The following SDC3 variants were observed in gnomAD, a reference collection of about 807,000 sequenced individuals.
SDC3 encodes syndecan 3, also known as syndecan-3.
SDC3 carries 13 observed loss-of-function variants against 24.4 expected under a neutral mutation model. That is an observed-to-expected ratio of 0.53 (90% CI 0.35 to 0.85). The LOEUF (loss-of-function observed/expected upper bound fraction) is 0.85, where lower values mean the gene tolerates loss of function less well. Ranked by LOEUF, SDC3 falls within the 40% of genes least tolerant of loss-of-function variation. The pLI is 0.01. For missense variants in SDC3, 571 were observed against 584.5 expected, an observed-to-expected ratio of 0.98 and a Z score of 0.24; for synonymous variants, 295 against 260.9, an observed-to-expected ratio of 1.13 and a Z score of -1.26.
rs1212115609 is a variant in SDC3, at chr1:30,869,982, C to T, written c.*3229G>A. 1 of 398,136 alleles carries T rather than the reference C, an allele frequency of 2.5e-6. No individual in the cohort carries two copies. Among genetic ancestry groups the T allele is most frequent in the Non-Finnish European group, 4.4e-6 (1 of 226,088 alleles). 24.7% of individuals were successfully genotyped at this position (398,136 alleles called of 1,614,324 possible). On this transcript the variant is annotated 3_prime_UTR_variant, in exon 5 of 5. Transcript: ENST00000339394. ...CAACTCCCAGGGCCCAGTCTCGATG[C>T]CTCTGTAAATCTGTACAGTTTGCGG...
At chr1:30,908,266 A>G (rs1570037841) in intron 1 of SDC3, among the ~76,000 whole-genome samples, 183 bp downstream of exon 1, 7 of 91,268 alleles carry the variant, frequency 7.7e-5, no homozygotes, top group Admixed American at 1.1e-4. Flanking sequence ...GAGGGGGGGG[A>G]GCAGGGTGCA....
intron 1 of SDC3, 33 bp downstream of exon 1, chr1:30,908,416 G>A (rs1301356561): frequency 9.9e-7 from 1 of 1,014,656 alleles, no homozygotes; most frequent in Admixed American, 5.9e-5. Context: ...GCCCCGGGGA[G>A]CCGTGGCGGG....
intron 1 of SDC3, among the ~76,000 whole-genome samples, chr1:30,900,760 T>G (rs1222066505): frequency 6.6e-6 from 1 of 151,948 alleles, no homozygotes; most frequent in South Asian, 2.1e-4. Context: ...ATCCCGCTGG[T>G]GATTGATTCT....
intron 1 of SDC3, among the ~76,000 whole-genome samples, chr1:30,884,100 C>A (rs1000566863): frequency 6.6e-6 from 1 of 152,150 alleles, no homozygotes; most frequent in African/African-American, 2.4e-5. Context: ...CCCCACCCAG[C>A]CACAGCTGCC....
Position 30,874,393 on chromosome 1 carries a change from G to A in SDC3, c.1066C>T (p.Pro356Ser), listed in dbSNP as rs1639594687. 6.2e-7 allele frequency: 1 copy of A among 1,614,060 alleles called. No homozygotes were observed. The highest frequency in any genetic ancestry group is 8.5e-7 in the Non-Finnish European group (1 of 1,179,980). The change falls in exon 4 of 5, where the codon CCG (proline) becomes TCG (serine). Residue 356 changes from proline (P) to serine (S), a missense_variant. Around this residue, in one of 2 missense-constraint regions of SDC3, gnomAD observed 497 missense variants for 471.6 expected, o/e 1.05. Coordinates refer to ENST00000339394, the MANE Select transcript of SDC3 (RefSeq NM_014654.4). ...PPGTLPKGAR[P>S]GPGLLDNAID... Reference sequence around the variant, plus strand: ...GCATTGTCCAGGAGGCCAGGGCCCGGGCGGGCACCCTTGGGCAGTGTCCCA... The same window carrying A: ...GCATTGTCCAGGAGGCCAGGGCCCGAGCGGGCACCCTTGGGCAGTGTCCCA...
chr1:30,894,812 T>C (rs1639977453), intron 1 of SDC3, among the ~76,000 whole-genome samples: 1 of 151,960 alleles, frequency 6.6e-6, no homozygotes, highest in Admixed American at 6.6e-5. Flanking sequence ...CGTGTGTGTC[T>C]GTCTAGGTGC....
chr1:30,880,255 A>G (rs565259346), intron 1 of SDC3, among the ~76,000 whole-genome samples: 69 of 151,848 alleles, frequency 4.5e-4, no homozygotes, highest in African/African-American at 1.5e-3. Flanking sequence ...GGGGTGGTAC[A>G]GGAGAGGGAG....
chr1:30,900,106 C>CCCAGGCT (rs1467486156), intron 1 of SDC3, among the ~76,000 whole-genome samples: 1 of 152,228 alleles, frequency 6.6e-6, no homozygotes, highest in African/African-American at 2.4e-5. Context: ...TCCATAAGCA[C>CCCAGGCT]CCAGGCTCCA....
At chr1:30,900,670 A>G (rs2124342357) in intron 1 of SDC3, among the ~76,000 whole-genome samples, 1 of 151,986 alleles carries the variant, frequency 6.6e-6, no homozygotes, top group East Asian at 1.9e-4. Context: ...AGGGAGGGGG[A>G]CAGGTCTAAT....
intron 1 of SDC3, among the ~76,000 whole-genome samples, chr1:30,907,237 G>A (rs757558432): frequency 3.3e-5 from 5 of 152,264 alleles, no homozygotes; most frequent in East Asian, 1.9e-4. Context: ...TCCCCAGCCC[G>A]CCTGAGCCAG....
intron 1 of SDC3, among the ~76,000 whole-genome samples, chr1:30,895,139 C>T (rs878880918): frequency 1.3e-5 from 2 of 152,066 alleles, no homozygotes; most frequent in Admixed American, 1.3e-4. Context: ...GACTCCTGAT[C>T]CCCCTGGCAT....
At chr1:30,904,365 GC>G (rs1336618679) in intron 1 of SDC3, among the ~76,000 whole-genome samples, 2 of 151,932 alleles carry the variant, frequency 1.3e-5, no homozygotes, top group East Asian at 3.8e-4. Context: ...CTTGGGATGA[GC>G]CCCCCCTCGC....
intron 1 of SDC3, among the ~76,000 whole-genome samples, chr1:30,880,320 G>A (rs1176023851): frequency 2.7e-5 from 4 of 149,658 alleles, no homozygotes; most frequent in African/African-American, 4.9e-5. Context: ...AGACAGAGAC[G>A]GTGACAGAGA....
intron 1 of SDC3, among the ~76,000 whole-genome samples, chr1:30,903,065 GA>G (rs1419531771): frequency 6.6e-6 from 1 of 152,206 alleles, no homozygotes; most frequent in African/African-American, 2.4e-5. Flanking sequence ...AGTCTATCAA[GA>G]AAGCACTGAC....
intron 4 of SDC3, among the ~76,000 whole-genome samples, chr1:30,873,613 G>A (rs1265345975): frequency 6.6e-6 from 1 of 152,082 alleles, no homozygotes; most frequent in East Asian, 1.9e-4. Flanking sequence ...CCCTATGAGG[G>A]AGGGGTCATC....
At chr1:30,890,220 T>C (rs576231532) in intron 1 of SDC3, among the ~76,000 whole-genome samples, 10 of 152,180 alleles carry the variant, frequency 6.6e-5, no homozygotes, top group African/African-American at 2.2e-4. Context: ...TGAGGCAGAA[T>C]TGCTTGAACC....
At chr1:30,890,938 C>T (rs929202575) in intron 1 of SDC3, among the ~76,000 whole-genome samples, 2 of 152,250 alleles carry the variant, frequency 1.3e-5, no homozygotes, top group Non-Finnish European at 2.9e-5. Context: ...CTCTTCTAGG[C>T]TGTTCAAAGG....
chr1:30,896,580 A>G (rs770124161), intron 1 of SDC3, among the ~76,000 whole-genome samples: 14 of 152,204 alleles, frequency 9.2e-5, no homozygotes, highest in Non-Finnish European at 1.8e-4. Flanking sequence ...ATAAAGGAAC[A>G]GTCCATGAAG....
chr1:30,896,789 C>G (rs1037533084), intron 1 of SDC3, among the ~76,000 whole-genome samples: 1 of 152,214 alleles, frequency 6.6e-6, no homozygotes, highest in South Asian at 2.1e-4. Flanking sequence ...TAGTAAAACC[C>G]CGTTTATACC....
Sources: allele counts gnomAD v4.1 joint callset (sites outside exome capture counted in the v4.1 genomes callset), GRCh38; gene constraint gnomAD v4.1.1; regional missense constraint gnomAD v4.1.1; transcripts MANE v1.5; gene names NCBI Gene and HGNC (gene_info 2026-07-23, HGNC 2026-07-21).